AUTS2: variants seen among roughly 807,000 people sequenced by gnomAD.
AUTS2 encodes the protein activator of transcription and developmental regulator AUTS2.
AUTS2 carries 17 observed loss-of-function variants against 112.4 expected under a neutral mutation model. The ratio of observed to expected loss-of-function variants is 0.15; its 90% CI spans 0.10 to 0.23. The LOEUF is 0.23. Ranked by LOEUF, AUTS2 falls within the 10% of genes least tolerant of loss-of-function variation. AUTS2 has a pLI of 1.00. For missense variants in AUTS2, 1,510 were observed against 1,701.6 expected (o/e 0.89, Z 1.98); for synonymous variants, 751 against 702.7 (o/e 1.07, Z -1.09).
intron 1 of AUTS2, among the ~76,000 whole-genome samples, chr7:69,636,488 C>CCA (rs1554337482): frequency 1.1e-5 from 1 of 88,920 alleles, no homozygotes; most frequent in Admixed American, 9.0e-5. Context: ...GCGCCCCCCC[C>CCA]CCCCCTTGGC....
intron 1 of AUTS2, among the ~76,000 whole-genome samples, chr7:69,657,735 C>G (rs535704550): frequency 2.9e-4 from 44 of 152,248 alleles, no homozygotes; most frequent in African/African-American, 1.1e-3. Flanking sequence ...TTGTTTATAT[C>G]AAGACCTCAT....
At chr7:70,126,980 C>T (rs909607142) in intron 3 of AUTS2, among the ~76,000 whole-genome samples, 4 of 152,052 alleles carry the variant, frequency 2.6e-5, no homozygotes, top group African/African-American at 9.7e-5. Context: ...GCATACACCA[C>T]CACGCCTGGC....
intron 2 of AUTS2, among the ~76,000 whole-genome samples, chr7:70,103,086 T>G (rs1204617585): frequency 6.6e-6 from 1 of 152,208 alleles, no homozygotes; most frequent in African/African-American, 2.4e-5. Context: ...TGCTAATTGC[T>G]TACTCTAAAT....
At chr7:70,450,298 C>T (rs190872177) in intron 5 of AUTS2, among the ~76,000 whole-genome samples, 6 of 152,230 alleles carry the variant, frequency 3.9e-5, no homozygotes, top group East Asian at 3.9e-4. Flanking sequence ...GACCCCGTAG[C>T]GTATGCTGTT....
intron 4 of AUTS2, among the ~76,000 whole-genome samples, chr7:70,171,055 G>A (rs746569453): frequency 3.9e-5 from 6 of 152,218 alleles, no homozygotes; most frequent in Non-Finnish European, 7.4e-5. Flanking sequence ...AGCCTTCTTG[G>A]GTCTACTGCC....
At chr7:69,913,152 T>C (rs948323316) in intron 2 of AUTS2, among the ~76,000 whole-genome samples, 15 of 152,250 alleles carry the variant, frequency 9.9e-5, no homozygotes, top group Admixed American at 9.8e-4. Context: ...CTATTTTCTT[T>C]GTTTAGAATA....
intron 5 of AUTS2, among the ~76,000 whole-genome samples, chr7:70,677,676 G>T (rs1048043587): frequency 6.6e-6 from 1 of 152,008 alleles, no homozygotes; most frequent in Non-Finnish European, 1.5e-5. Flanking sequence ...TCCTGCCTCG[G>T]CCTCCCAAGG....
chr7:70,004,432 T>C (rs1799446124), intron 2 of AUTS2, among the ~76,000 whole-genome samples: 1 of 18,118 alleles, frequency 5.5e-5, no homozygotes, highest in Non-Finnish European at 7.7e-5. Flanking sequence ...TATATATATA[T>C]ATATATAAAA....
chr7:70,076,512 A>G (rs545226998), intron 2 of AUTS2, among the ~76,000 whole-genome samples: 2 of 152,226 alleles, frequency 1.3e-5, no homozygotes, highest in Non-Finnish European at 1.5e-5. Context: ...GTAGTTAGGT[A>G]GAATTATAAC....
chr7:70,012,246 G>A (rs1799838522), intron 2 of AUTS2, among the ~76,000 whole-genome samples: 1 of 152,136 alleles, frequency 6.6e-6, no homozygotes, highest in Admixed American at 6.5e-5. Context: ...AGGATTGGCT[G>A]GAGGAGGCAG....
At chr7:70,398,569 T>C (rs1017065353) in intron 4 of AUTS2, among the ~76,000 whole-genome samples, 1 of 152,180 alleles carries the variant, frequency 6.6e-6, no homozygotes, top group Admixed American at 6.5e-5. Context: ...TGTATATTGA[T>C]GTTATATTAA....
intron 1 of AUTS2, among the ~76,000 whole-genome samples, chr7:69,876,349 A>AAAATATAT (rs1554396465): frequency 1.0e-4 from 3 of 29,486 alleles, no homozygotes; most frequent in African/African-American, 4.4e-4. Context: ...AAAAAAAAAA[A>AAAATATAT]ATATATATAT....
intron 2 of AUTS2, among the ~76,000 whole-genome samples, chr7:69,945,710 C>T (rs1796783163): frequency 6.6e-6 from 1 of 152,056 alleles, no homozygotes; most frequent in African/African-American, 2.4e-5. Context: ...TAACAGTAAT[C>T]ACCGTGACTG....
At chr7:69,879,730 T>C (rs1282117556) in intron 1 of AUTS2, among the ~76,000 whole-genome samples, 3 of 152,182 alleles carry the variant, frequency 2.0e-5, no homozygotes. Context: ...TAGGCTCTGG[T>C]GTAAAAAGCT....
chr7:69,721,576 C>T (rs1195369308), intron 1 of AUTS2, among the ~76,000 whole-genome samples: 1 of 152,104 alleles, frequency 6.6e-6, no homozygotes, highest in African/African-American at 2.4e-5. Context: ...GTATCTCTTG[C>T]CTATCACAGT....
At chr7:70,131,073 T>C (rs1280339571) in intron 3 of AUTS2, among the ~76,000 whole-genome samples, 2 of 152,226 alleles carry the variant, frequency 1.3e-5, no homozygotes, top group Non-Finnish European at 2.9e-5. Context: ...TTCAGTATTC[T>C]GTGGCCTCTT....
intron 1 of AUTS2, among the ~76,000 whole-genome samples, chr7:69,852,921 G>A (rs1286717497): frequency 6.6e-6 from 1 of 151,962 alleles, no homozygotes; most frequent in Non-Finnish European, 1.5e-5. Flanking sequence ...GTGTTTTTTA[G>A]TTCCCAAGTT....
At chr7:70,673,301 G>A (rs1486408615) in intron 5 of AUTS2, among the ~76,000 whole-genome samples, 1 of 152,076 alleles carries the variant, frequency 6.6e-6, no homozygotes, top group African/African-American at 2.4e-5. Flanking sequence ...TTTTAGTATT[G>A]GTGAAACTCT....
At chr7:69,689,640 T>A (rs917225032) in intron 1 of AUTS2, among the ~76,000 whole-genome samples, 147 of 119,468 alleles carry the variant, frequency 1.2e-3, no homozygotes, top group Admixed American at 2.7e-3. Context: ...GCACCCGGCC[T>A]TTTATTTATT....
Sources: gnomAD v4.1 joint callset for allele counts (sites outside exome capture counted in the v4.1 genomes callset) on GRCh38, gnomAD v4.1.1 for gene constraint, MANE v1.5 for transcripts, NCBI Gene and HGNC (gene_info 2026-07-23, HGNC 2026-07-21) for gene names.